SLC22A15: variants seen among roughly 807,000 people sequenced by gnomAD.
SLC22A15 encodes the protein solute carrier family 22 member 15.
In SLC22A15, 45 loss-of-function variants were observed where a neutral mutation model predicts 62.7. The observed-to-expected ratio is 0.72, with a 90% CI of 0.56 to 0.92. SLC22A15 has a LOEUF of 0.92. Among genes scored for constraint, SLC22A15 ranks in the 40% least tolerant of loss-of-function variants. SLC22A15 has a pLI of 0.00. For synonymous variants in SLC22A15, 264 were observed against 267.0 expected (o/e 0.99, Z 0.11); for missense variants, 622 against 665.6 (o/e 0.93, Z 0.72).
At chr1:116,050,697 G>A (rs528308787) in intron 8 of SLC22A15, among the ~76,000 whole-genome samples, 6 of 152,014 alleles carry the variant, frequency 3.9e-5, no homozygotes, top group Non-Finnish European at 7.4e-5. Flanking sequence ...ACTCCTCTTC[G>A]ACATAGTACT....
At chr1:116,049,525 G>A (rs1658001609) in intron 8 of SLC22A15, among the ~76,000 whole-genome samples, 1 of 151,998 alleles carries the variant, frequency 6.6e-6, no homozygotes, top group African/African-American at 2.4e-5. Flanking sequence ...AAATCAAGAT[G>A]GAAATTAAAA....
chr1:115,989,983 A>G (rs1655069967), intron 1 of SLC22A15, among the ~76,000 whole-genome samples: 1 of 152,190 alleles, frequency 6.6e-6, no homozygotes, highest in South Asian at 2.1e-4. Flanking sequence ...GCCTTTAAGG[A>G]GAGTATATTT....
intron 2 of SLC22A15, among the ~76,000 whole-genome samples, chr1:115,997,235 T>TTTG (rs150354511): frequency 0.028 from 4,322 of 151,876 alleles, 77 homozygotes; most frequent in Middle Eastern, 0.068. Flanking sequence ...TTGCTCCAGT[T>TTTG]TTGTTGTTGT....
chr1:116,026,257 C>T (rs995663212), intron 4 of SLC22A15, among the ~76,000 whole-genome samples: 2 of 141,254 alleles, frequency 1.4e-5, no homozygotes, highest in African/African-American at 5.2e-5. Context: ...AATAAAAATA[C>T]AAAAAAAAAA....
chr1:115,996,377 T>A (rs190033288), intron 2 of SLC22A15, among the ~76,000 whole-genome samples: 33 of 152,298 alleles, frequency 2.2e-4, no homozygotes, highest in Middle Eastern at 6.8e-3. Flanking sequence ...TTGATAGAAG[T>A]TGTGTTAAAC....
chr1:116,020,319 G>A (rs1457649455), intron 3 of SLC22A15, among the ~76,000 whole-genome samples: 1 of 150,718 alleles, frequency 6.6e-6, no homozygotes, highest in Non-Finnish European at 1.5e-5. Context: ...TTGGGAGGCC[G>A]AGGTGGGTGG....
chr1:116,066,216 G>A (rs116517573), intron 10 of SLC22A15, among the ~76,000 whole-genome samples: 2,044 of 152,278 alleles, frequency 0.013, 26 homozygotes, highest in Non-Finnish European at 0.019. Context: ...AGGCCTGCCT[G>A]CTCAGAGGCA....
At chr1:116,020,190 A>T (rs1298903304) in intron 3 of SLC22A15, among the ~76,000 whole-genome samples, 1 of 151,990 alleles carries the variant, frequency 6.6e-6, no homozygotes, top group Admixed American at 6.6e-5. Context: ...GACAGAAATC[A>T]TGTAATAAAG....
chr1:116,000,155 T>G (rs1655648736), intron 2 of SLC22A15, among the ~76,000 whole-genome samples: 1 of 152,202 alleles, frequency 6.6e-6, no homozygotes, highest in Non-Finnish European at 1.5e-5. Flanking sequence ...TTATTTGTTT[T>G]CTGGTTGTTT....
Position 115,991,933 on chromosome 1 carries a change from C to T in SLC22A15, c.88-98C>T, listed in dbSNP as rs556516772. The T allele has an allele frequency of 5.1e-6, 5 of 986,430 alleles. No individual in the cohort carries two copies. The South Asian group carries it at 6.2e-5, about 12-fold the overall frequency. 61.1% of individuals were successfully genotyped at this position (986,430 alleles called of 1,614,324 possible). Reference sequence around the variant, plus strand: ...TCTGTAGCTCATAAAAATACAAAAGCAAGACACTGATCTTTCAAGGTTTGC... The same window carrying T: ...TCTGTAGCTCATAAAAATACAAAAGTAAGACACTGATCTTTCAAGGTTTGC... On this transcript the variant is annotated intron_variant, in intron 1 of 11. Transcript: ENST00000369503.
At chr1:116,054,616 C>A (rs2101544945) in intron 8 of SLC22A15, among the ~76,000 whole-genome samples, 1 of 152,222 alleles carries the variant, frequency 6.6e-6, no homozygotes, top group East Asian at 1.9e-4. Flanking sequence ...TTTTTGAGCA[C>A]CACACCACAC....
At chr1:116,044,967 T>C (rs746243942) in intron 8 of SLC22A15, among the ~76,000 whole-genome samples, 1 of 152,192 alleles carries the variant, frequency 6.6e-6, no homozygotes, top group African/African-American at 2.4e-5. Context: ...CCAAACTGAT[T>C]TATCTTCATT....
chr1:116,064,466 CT>C lies in SLC22A15; in HGVS notation c.1324del (p.Ser442ProfsTer14). The C allele has an allele frequency of 1.2e-6, 2 of 1,613,572 alleles. No homozygotes were observed. Among genetic ancestry groups the C allele is most frequent in the East Asian group, 2.2e-5 (1 of 44,876 alleles). ...NVGLGTCSMF[S>X]RVGGIIAPFI... ...TTGGGCTTGGAACTTGTTCCATGTT[CT>C]CCCGAGTTGGTGGGATTATTGCTCC... is the stretch of plus-strand genomic sequence containing the variant. On this transcript the variant is annotated frameshift_variant, in exon 10 of 12. Transcript: ENST00000369503. LOFTEE classifies it high-confidence loss of function.
chr1:116,051,652 G>A (rs1003965913), intron 8 of SLC22A15, among the ~76,000 whole-genome samples: 2 of 152,172 alleles, frequency 1.3e-5, no homozygotes, highest in East Asian at 3.8e-4. Flanking sequence ...TATTGGCTTA[G>A]GCAAGGATTT....
chr1:116,061,133 C>G (rs1658369753), intron 8 of SLC22A15, among the ~76,000 whole-genome samples: 1 of 152,090 alleles, frequency 6.6e-6, no homozygotes, highest in Non-Finnish European at 1.5e-5. Context: ...GTACATAGTG[C>G]TATGGGAGGT....
chr1:116,046,170 G>C (rs1657925073), intron 8 of SLC22A15, among the ~76,000 whole-genome samples: 1 of 152,062 alleles, frequency 6.6e-6, no homozygotes, highest in Non-Finnish European at 1.5e-5. Flanking sequence ...GAACATAGGA[G>C]AAAAATCTTA....
chr1:115,997,086 G>A (rs12081183), intron 2 of SLC22A15, among the ~76,000 whole-genome samples: 8,371 of 152,120 alleles, frequency 0.055, 805 homozygotes, highest in African/African-American at 0.19. Context: ...ACCATTAAGT[G>A]CAGTTTTAGC....
At position 116,019,589 on chromosome 1, in the gene SLC22A15, T is replaced by G. The variant is rs1322556356; in HGVS notation, c.308T>G (p.Leu103Ter). ...SFTSIASEWF[L>*]IANRSYKVSA... ...TGTTTTATCTTCCTCTAGTGGTTTT[T>G]AATTGCCAACAGATCCTACAAAGTC... Residue 103 changes from leucine to a stop codon, truncating the protein, a stop_gained, in exon 3 of 12, where the codon TTA becomes TGA. Coordinates refer to ENST00000369503, the MANE Select transcript of SLC22A15 (RefSeq NM_018420.3). LOFTEE classifies it high-confidence loss of function. 6.2e-7 allele frequency: 1 copy of G among 1,600,508 alleles called. No individual in the cohort carries two copies. The highest frequency in any genetic ancestry group is 8.5e-7 in the Non-Finnish European group (1 of 1,176,344).
intron 1 of SLC22A15, among the ~76,000 whole-genome samples, chr1:115,984,513 C>T (rs918271981): frequency 1.3e-5 from 2 of 152,106 alleles, no homozygotes; most frequent in Non-Finnish European, 2.9e-5. Context: ...ATCACATATG[C>T]GACACTGGGC....
Sources: gnomAD v4.1 joint callset for allele counts (sites outside exome capture counted in the v4.1 genomes callset) on GRCh38, gnomAD v4.1.1 for gene constraint, MANE v1.5 for transcripts, NCBI Gene and HGNC (gene_info 2026-07-23, HGNC 2026-07-21) for gene names.